Variants in NSMCE2 observed in about 807,000 individuals in gnomAD.
The protein encoded by NSMCE2 is NSE2 SUMO ligase component of SMC5/6 complex.
NSMCE2 carries 24 observed loss-of-function variants against 23.8 expected under a neutral mutation model. The observed-to-expected ratio is 1.01, with a 90% confidence interval of 0.73 to 1.42. The LOEUF (loss-of-function observed/expected upper bound fraction) is 1.42. Ranked by LOEUF, NSMCE2 falls within the 40% of genes most tolerant of loss-of-function variation. The pLI, the probability that NSMCE2 is intolerant of heterozygous loss-of-function variation, is 0.00. For synonymous variants in NSMCE2, 92 were observed against 94.1 expected (o/e 0.98, Z 0.13); for missense variants, 284 against 296.5 (o/e 0.96, Z 0.31).
At chr8:125,310,299 AT>A (rs1828928914) in intron 5 of NSMCE2, among the ~76,000 whole-genome samples, 1 of 152,190 alleles carries the variant, frequency 6.6e-6, no homozygotes, top group East Asian at 1.9e-4. Context: ...GGGGCAAGTT[AT>A]TTAACCTTTT....
chr8:125,104,230 T>A (rs1818343306), intron 3 of NSMCE2, among the ~76,000 whole-genome samples: 2 of 152,234 alleles, frequency 1.3e-5, no homozygotes, highest in African/African-American at 2.4e-5. Context: ...CCTCAGGTAA[T>A]CCGCCTGCCT....
intron 5 of NSMCE2, among the ~76,000 whole-genome samples, chr8:125,223,494 A>C (rs1374925321): frequency 6.6e-6 from 1 of 152,236 alleles, no homozygotes; most frequent in Admixed American, 6.5e-5. Flanking sequence ...ATTTGTATGT[A>C]TACCCAGAAG....
At chr8:125,203,390 G>A (rs1305258228) in intron 5 of NSMCE2, among the ~76,000 whole-genome samples, 5 of 152,122 alleles carry the variant, frequency 3.3e-5, no homozygotes, top group African/African-American at 9.7e-5. Flanking sequence ...GGCTTCCTAG[G>A]GAGAAGCTTT....
intron 3 of NSMCE2, among the ~76,000 whole-genome samples, chr8:125,112,669 C>T (rs530637794): frequency 2.0e-5 from 3 of 151,990 alleles, no homozygotes; most frequent in Admixed American, 6.6e-5. Context: ...TGATCTCACT[C>T]GTATGTGGAA....
intron 5 of NSMCE2, among the ~76,000 whole-genome samples, chr8:125,303,001 T>C (rs1294647536): frequency 6.6e-6 from 1 of 152,140 alleles, no homozygotes; most frequent in Non-Finnish European, 1.5e-5. Context: ...ATGCTGCAGC[T>C]CCACACTCCC....
At chr8:125,112,825 A>G (rs1161935511) in intron 3 of NSMCE2, among the ~76,000 whole-genome samples, 1 of 152,194 alleles carries the variant, frequency 6.6e-6, no homozygotes, top group South Asian at 2.1e-4. Context: ...GATCTATTGT[A>G]TAATATGGTG....
At chr8:125,182,583 GTTCAAGT>G (rs1822883788) in intron 5 of NSMCE2, 1 of 406,198 alleles carries the variant, frequency 2.5e-6, no homozygotes, top group Non-Finnish European at 4.3e-6. Context: ...CAATGGTATC[GTTCAAGT>G]TTTAAACTGC....
intron 5 of NSMCE2, among the ~76,000 whole-genome samples, chr8:125,334,772 C>CTTTT (rs34213706): frequency 1.6e-4 from 9 of 55,882 alleles, no homozygotes; most frequent in South Asian, 8.0e-4. Flanking sequence ...AGTATCTTTT[C>CTTTT]TTTTTTTTTT....
intron 5 of NSMCE2, among the ~76,000 whole-genome samples, chr8:125,186,812 C>T (rs1207119113): frequency 6.6e-6 from 1 of 152,118 alleles, no homozygotes; most frequent in Admixed American, 6.6e-5. Context: ...CTAGTATTTA[C>T]CATCCCCAGA....
Position 125,113,831 on chromosome 8 carries a change from A to G in NSMCE2, c.157+11344A>G, listed in dbSNP as rs113806135. ...TAATCTCTCATGAATGCTTTTGCCC[A>G]TTGGTTGTTCAGGGACTGGGAGCTT... On this transcript the variant is annotated intron_variant, in intron 3 of 7. Transcript: ENST00000287437. Among the ~76,000 whole-genome samples the G allele has an allele frequency of 1.6e-3, 237 of 152,270 alleles. 1 individual carries two copies. The highest frequency in any genetic ancestry group is 5.4e-3 in the African/African-American group (224 of 41,552).
At chr8:125,285,489 A>G (rs1332512260) in intron 5 of NSMCE2, among the ~76,000 whole-genome samples, 1 of 151,886 alleles carries the variant, frequency 6.6e-6, no homozygotes. Flanking sequence ...TATTTTTTGT[A>G]TATACCCAGA....
At chr8:125,279,211 A>G (rs1261897019) in intron 5 of NSMCE2, among the ~76,000 whole-genome samples, 1 of 152,152 alleles carries the variant, frequency 6.6e-6, no homozygotes, top group East Asian at 1.9e-4. Flanking sequence ...TGCACCTGGG[A>G]GCTGAGACGT....
intron 5 of NSMCE2, among the ~76,000 whole-genome samples, chr8:125,203,747 A>G (rs939144840): frequency 2.4e-4 from 36 of 152,186 alleles, no homozygotes; most frequent in African/African-American, 8.4e-4. Flanking sequence ...TGAGATTACA[A>G]GGTCCTAGAA....
At chr8:125,212,501 G>A (rs1481240550) in intron 5 of NSMCE2, among the ~76,000 whole-genome samples, 1 of 152,162 alleles carries the variant, frequency 6.6e-6, no homozygotes, top group Non-Finnish European at 1.5e-5. Flanking sequence ...AAGGTGAAAA[G>A]AGCAAAATGG....
intron 5 of NSMCE2, among the ~76,000 whole-genome samples, chr8:125,294,902 T>C (rs1226251014): frequency 6.6e-6 from 1 of 152,208 alleles, no homozygotes; most frequent in African/African-American, 2.4e-5. Context: ...CAGTAAACAC[T>C]TGAAAATGGA....
chr8:125,164,479 T>C (rs7822970), intron 4 of NSMCE2, among the ~76,000 whole-genome samples: 138 of 152,342 alleles, frequency 9.1e-4, no homozygotes, highest in African/African-American at 3.3e-3. Flanking sequence ...GTACATCTCT[T>C]ATTGTAAATT....
At chr8:125,276,795 G>T (rs1190105330) in intron 5 of NSMCE2, among the ~76,000 whole-genome samples, 1 of 152,200 alleles carries the variant, frequency 6.6e-6, no homozygotes, top group African/African-American at 2.4e-5. Context: ...TCTCATAGAG[G>T]TCACTCTGCT....
At chr8:125,342,727 A>T (rs1830294164) in intron 5 of NSMCE2, among the ~76,000 whole-genome samples, 1 of 151,848 alleles carries the variant, frequency 6.6e-6, no homozygotes, top group African/African-American at 2.4e-5. Flanking sequence ...TGTTAGGCTA[A>T]CTTCAGACAA....
chr8:125,125,761 C>A (rs1189245281), intron 3 of NSMCE2, among the ~76,000 whole-genome samples: 1 of 152,148 alleles, frequency 6.6e-6, no homozygotes, highest in East Asian at 1.9e-4. Flanking sequence ...AAGGTGAGAG[C>A]TTATGAGTCA....
Sources: allele counts gnomAD v4.1 joint callset (sites outside exome capture counted in the v4.1 genomes callset), GRCh38; gene constraint gnomAD v4.1.1; transcripts MANE v1.5; gene names NCBI Gene and HGNC (gene_info 2026-07-23, HGNC 2026-07-21).